RNF128: variants seen among roughly 807,000 people sequenced by gnomAD.
The protein encoded by RNF128 is E3 ubiquitin-protein ligase RNF128.
Under a neutral mutation model 26.2 loss-of-function variants are expected in RNF128, and 13 were observed. That is an observed-to-expected ratio of 0.50 (90% confidence interval 0.32 to 0.79). The LOEUF (loss-of-function observed/expected upper bound fraction) is 0.79. Among genes scored for constraint, RNF128 ranks in the 30% least tolerant of loss-of-function variants. RNF128 has a pLI of 0.03. For missense variants in RNF128, 315 were observed against 349.7 expected, an observed-to-expected ratio of 0.90 and a Z score of 0.79; for synonymous variants, 149 against 142.5, an observed-to-expected ratio of 1.05 and a Z score of -0.32.
At chrX:106,704,621 C>T (rs765821524) in intron 1 of RNF128, among the ~76,000 whole-genome samples, 5 of 110,382 alleles carry the variant, frequency 4.5e-5, no homozygotes, top group Non-Finnish European at 9.5e-5. Context: ...ACAGGGAACC[C>T]ACAGTGAAGA....
chrX:106,786,536 A>C (rs760887851), intron 3 of RNF128, among the ~76,000 whole-genome samples: 42 of 111,758 alleles, frequency 3.8e-4, no homozygotes, highest in African/African-American at 1.3e-3. Flanking sequence ...TATTTTCATG[A>C]CTTGGGTGAC....
Position 106,762,563 on chromosome X carries a change from A to G in RNF128, c.485-10350A>G, listed in dbSNP as rs181625309. ...CCTGACCTCAGGTGATCCGCCCCCC[A>G]TCGGCCTCCCAAAGTGCTGGGATTA... On this transcript the variant is annotated intron_variant, in intron 1 of 6. Coordinates refer to ENST00000255499, the MANE Select transcript of RNF128 (RefSeq NM_194463.2). Among the ~76,000 whole-genome samples, 292 of 110,480 alleles carry G rather than the reference A, an allele frequency of 2.6e-3. 2 individuals carry two copies. Among genetic ancestry groups the G allele is most frequent in the African/African-American group, 9.4e-3 (286 of 30,469 alleles).
chrX:106,723,092 A>G (rs753331181), upstream of RNF128, among the ~76,000 whole-genome samples: 23 of 111,917 alleles, frequency 2.1e-4, no homozygotes, highest in Non-Finnish European at 4.1e-4. Context: ...ACTTCAATAT[A>G]AATTCACAAT....
intron 1 of RNF128, among the ~76,000 whole-genome samples, chrX:106,739,664 T>C (rs988309351): frequency 4.5e-5 from 5 of 112,003 alleles, no homozygotes; most frequent in African/African-American, 1.6e-4. Context: ...TCAGAAACAA[T>C]TTATAGTGAA....
intron 3 of RNF128, among the ~76,000 whole-genome samples, chrX:106,786,579 T>C (rs1446846538): frequency 9.1e-6 from 1 of 110,497 alleles, no homozygotes; most frequent in African/African-American, 3.3e-5. Context: ...CAAAAACAAG[T>C]CCAAAAAAGA....
chrX:106,698,829 T>G (rs113855644), intron 1 of RNF128, among the ~76,000 whole-genome samples: 3,740 of 111,242 alleles, frequency 0.034, 171 homozygotes, highest in African/African-American at 0.12. Flanking sequence ...TCCAAGACTT[T>G]ATCCAGCTCT....
At chrX:106,730,784 G>A (rs1929488138) in intron 1 of RNF128, among the ~76,000 whole-genome samples, 1 of 111,049 alleles carries the variant, frequency 9.0e-6, no homozygotes, top group African/African-American at 3.3e-5. Flanking sequence ...GCAAAGGGAT[G>A]TCAGGAGAAG....
At position 106,712,626 on chromosome X, in the gene RNF128, A is replaced by T. The variant is rs140595114; in HGVS notation, c.406+18218A>T. Among the ~76,000 whole-genome samples, 572 of 111,296 alleles carry T rather than the reference A, an allele frequency of 5.1e-3. 3 individuals are homozygous for T. Among genetic ancestry groups the T allele is most frequent in the African/African-American group, 0.018 (542 of 30,635 alleles). The stretch of plus-strand genomic sequence containing the variant: ...TGCCTACACATCTAAAATGTTACTC[A>T]ACTCAGCTATTTTTCCCATCATAGT... On this transcript the variant is annotated intron_variant, in intron 1 of 6. Coordinates refer to the RNF128 transcript ENST00000324342.
At chrX:106,727,803 A>G (rs1285631685) in intron 1 of RNF128, among the ~76,000 whole-genome samples, 3 of 111,092 alleles carry the variant, frequency 2.7e-5, no homozygotes, top group Non-Finnish European at 5.7e-5. Context: ...GACTGGCAGC[A>G]GATTTTCCCC....
intron 2 of RNF128, among the ~76,000 whole-genome samples, chrX:106,783,809 G>T (rs770485344): frequency 5.3e-4 from 59 of 111,297 alleles, no homozygotes; most frequent in African/African-American, 1.9e-3. Flanking sequence ...TATCATGGCA[G>T]AAAGGAAAGG....
Position 106,796,578 on chromosome X carries a change from A to G in RNF128, c.*865A>G, listed in dbSNP as rs1930922624. 8.9e-6 allele frequency: 1 copy of G among 112,264 alleles called. No homozygotes were observed. Among genetic ancestry groups the G allele is most frequent in the African/African-American group, 3.2e-5 (1 of 30,877 alleles). The allele number at this position is 112,264 out of a possible 1,213,427, so 9.3% of individuals were successfully genotyped here. On this transcript the variant is annotated 3_prime_UTR_variant, in exon 7 of 7. Coordinates refer to ENST00000255499, the MANE Select transcript of RNF128 (RefSeq NM_194463.2). ...ATTAGTCTGTTGAAAATGTTTTCCA[A>G]ACAATGTTACTTTGAAAATTGAGTT...
At chrX:106,729,754 G>C (rs915742027) in intron 1 of RNF128, among the ~76,000 whole-genome samples, 2 of 111,543 alleles carry the variant, frequency 1.8e-5, no homozygotes, top group Non-Finnish European at 3.8e-5. Context: ...TTGAACTCCT[G>C]GAAAAACTAT....
At chrX:106,735,070 G>C (rs1308524743) in intron 1 of RNF128, among the ~76,000 whole-genome samples, 1 of 111,572 alleles carries the variant, frequency 9.0e-6, no homozygotes, top group African/African-American at 3.3e-5. Flanking sequence ...TTCTTTTTCA[G>C]CTGTGTGTAT....
Position 106,744,118 on chromosome X carries a change from G to T in RNF128, c.484+16721G>T, listed in dbSNP as rs191051200. On this transcript the variant is annotated intron_variant, in intron 1 of 6. Transcript: ENST00000255499. Reference sequence around the variant, plus strand: ...GGGCCTGTTGGGTGGGGGAAGGGGGGAGGGATAGCATTAGGAGATATACCT... The same window carrying T: ...GGGCCTGTTGGGTGGGGGAAGGGGGTAGGGATAGCATTAGGAGATATACCT... Among the ~76,000 whole-genome samples the T allele has an allele frequency of 4.3e-3, 472 of 109,640 alleles. 1 individual carries two copies. Among genetic ancestry groups the T allele is most frequent in the Non-Finnish European group, 6.8e-3 (360 of 52,593 alleles).
intron 1 of RNF128, among the ~76,000 whole-genome samples, chrX:106,712,516 C>T (rs1358342131): frequency 3.6e-5 from 4 of 111,948 alleles, no homozygotes; most frequent in African/African-American, 1.3e-4. Flanking sequence ...ACCTTCTAAT[C>T]CTAAATATCT....
chrX:106,718,256 A>C (rs1250795391), intron 1 of RNF128, among the ~76,000 whole-genome samples: 1 of 111,526 alleles, frequency 9.0e-6, no homozygotes, highest in Non-Finnish European at 1.9e-5. Context: ...ATTGAAGATA[A>C]ACTTAATGAG....
At chrX:106,745,689 TA>T (rs749612435) in intron 1 of RNF128, among the ~76,000 whole-genome samples, 6 of 111,600 alleles carry the variant, frequency 5.4e-5, no homozygotes, top group Non-Finnish European at 9.4e-5. Context: ...AGTAAATACA[TA>T]TATATATTGC....
At chrX:106,728,258 G>T (rs1240768408) in intron 1 of RNF128, among the ~76,000 whole-genome samples, 1 of 111,457 alleles carries the variant, frequency 9.0e-6, no homozygotes, top group Non-Finnish European at 1.9e-5. Flanking sequence ...TGGAGAAAAA[G>T]AAAGAGACAC....
chrX:106,732,723 T>C (rs1929521032), intron 1 of RNF128, among the ~76,000 whole-genome samples: 2 of 111,927 alleles, frequency 1.8e-5, no homozygotes, highest in Non-Finnish European at 3.8e-5. Context: ...AGCCTGGTTT[T>C]ATGGATTTTT....
Sources: allele counts gnomAD v4.1 joint callset (sites outside exome capture counted in the v4.1 genomes callset), GRCh38; gene constraint gnomAD v4.1.1; transcripts MANE v1.5; gene names NCBI Gene and HGNC (gene_info 2026-07-23, HGNC 2026-07-21).